Variants in SORBS2 observed in about 807,000 individuals in gnomAD.
The protein encoded by SORBS2 is sorbin and SH3 domain containing 2.
Under a neutral mutation model 97.7 loss-of-function variants are expected in SORBS2, and 46 were observed. That is an observed-to-expected ratio of 0.47 (90% confidence interval 0.37 to 0.60). The LOEUF is 0.60. Among genes scored for constraint, SORBS2 ranks in the 20% least tolerant of loss-of-function variants. The pLI is 0.00. For synonymous variants in SORBS2, 476 were observed against 473.4 expected (o/e 1.01, Z -0.07); for missense variants, 1,316 against 1,282.3 (o/e 1.03, Z -0.40).
At chr4:185,664,106 G>A (rs548708858) in intron 4 of SORBS2, among the ~76,000 whole-genome samples, 8 of 151,734 alleles carry the variant, frequency 5.3e-5, no homozygotes, top group South Asian at 4.2e-4. Flanking sequence ...CACCCACCTC[G>A]GCCTCCCAAA....
At chr4:185,911,306 C>A (rs1216873284) in intron 1 of SORBS2, among the ~76,000 whole-genome samples, 10 of 152,194 alleles carry the variant, frequency 6.6e-5, no homozygotes. Context: ...TGGCTCACTG[C>A]AGCCTTGACC....
chr4:185,858,092 A>G (rs750727314), intron 1 of SORBS2, among the ~76,000 whole-genome samples: 15 of 152,172 alleles, frequency 9.9e-5, no homozygotes, highest in Non-Finnish European at 2.1e-4. Flanking sequence ...GGTCTCCATC[A>G]CGGTCCTATC....
chr4:185,867,332 A>G (rs572243360), intron 1 of SORBS2, among the ~76,000 whole-genome samples: 1 of 152,278 alleles, frequency 6.6e-6, no homozygotes, highest in South Asian at 2.1e-4. Context: ...TTAAAGATGA[A>G]AATAGAACTT....
At chr4:185,766,844 A>G (rs533798920) in intron 2 of SORBS2, among the ~76,000 whole-genome samples, 1 of 152,336 alleles carries the variant, frequency 6.6e-6, no homozygotes, top group South Asian at 2.1e-4. Flanking sequence ...TTAAAAATAC[A>G]TGCTGTACGT....
chr4:185,887,763 T>C (rs1293622960), intron 1 of SORBS2, among the ~76,000 whole-genome samples: 1 of 152,196 alleles, frequency 6.6e-6, no homozygotes, highest in Non-Finnish European at 1.5e-5. Context: ...ATTATTATTA[T>C]TAGAATCATT....
At position 185,861,876 on chromosome 4, in the gene SORBS2, C is replaced by T. The variant is rs10023215; in HGVS notation, c.-337-86510G>A. The stretch of plus-strand genomic sequence containing the variant: ...TCTCCCAAAGTGCTGGGATTACAGG[C>T]GTGAGCCACTGCGCCCAGCCCTGAC... On this transcript the variant is annotated intron_variant, in intron 1 of 20. Coordinates refer to the SORBS2 transcript ENST00000284776. 3.0e-3 allele frequency among the ~76,000 whole-genome samples: 452 copies of T among 152,234 alleles called. 3 individuals carry two copies. The highest frequency in any genetic ancestry group is 0.01 in the African/African-American group (419 of 41,540).
chr4:185,666,765 C>T (rs1047727067), intron 4 of SORBS2, among the ~76,000 whole-genome samples: 5 of 152,064 alleles, frequency 3.3e-5, no homozygotes, highest in South Asian at 4.1e-4. Flanking sequence ...CTACAAAATA[C>T]GAAAAGAATT....
intron 1 of SORBS2, among the ~76,000 whole-genome samples, chr4:185,778,456 C>T (rs1223575112): frequency 6.6e-6 from 1 of 152,130 alleles, no homozygotes; most frequent in Non-Finnish European, 1.5e-5. Context: ...AAACGCAAAA[C>T]CTCAGGCCCC....
chr4:185,714,837 C>T (rs550513876), intron 2 of SORBS2, among the ~76,000 whole-genome samples: 3 of 152,318 alleles, frequency 2.0e-5, no homozygotes, highest in African/African-American at 4.8e-5. Flanking sequence ...ACCCTTGACA[C>T]ATGGGGATTA....
At chr4:185,691,344 T>C (rs35803875) in intron 2 of SORBS2, among the ~76,000 whole-genome samples, 42,401 of 152,002 alleles carry the variant, frequency 0.28, 7,083 homozygotes, top group Non-Finnish European at 0.37. Flanking sequence ...GGATTACAGG[T>C]GTGAACTACC....
intron 2 of SORBS2, among the ~76,000 whole-genome samples, chr4:185,711,430 C>T (rs1004865518): frequency 1.6e-4 from 24 of 152,150 alleles, no homozygotes; most frequent in African/African-American, 5.1e-4. Context: ...AGGGCTAGAG[C>T]GGTTTGTAGA....
At chr4:185,831,611 C>T (rs2099205179) in intron 1 of SORBS2, among the ~76,000 whole-genome samples, 1 of 152,114 alleles carries the variant, frequency 6.6e-6, no homozygotes, top group African/African-American at 2.4e-5. Flanking sequence ...TTCAGTGAGT[C>T]CGGCATTCCA....
chr4:185,662,007 G>C, intron 5 of SORBS2, 97 bp downstream of exon 8: 3 of 1,376,850 alleles, frequency 2.2e-6, no homozygotes, highest in Non-Finnish European at 3.0e-6. Flanking sequence ...TGAGTGCTGA[G>C]CGCTCCCGCC....
chr4:185,654,486 T>C (rs926026767), intron 1 of SORBS2, among the ~76,000 whole-genome samples: 9 of 152,224 alleles, frequency 5.9e-5, no homozygotes, highest in Non-Finnish European at 1.3e-4. Flanking sequence ...GGTTTTTTTT[T>C]CTTCACTTGC....
At chr4:185,644,120 C>T (rs146822679) in intron 4 of SORBS2, among the ~76,000 whole-genome samples, 2 of 152,314 alleles carry the variant, frequency 1.3e-5, no homozygotes, top group South Asian at 2.1e-4. Context: ...ATATGGCCAG[C>T]TCAAACCATT....
intron 1 of SORBS2, among the ~76,000 whole-genome samples, chr4:185,797,090 G>GTA (rs993450910): frequency 3.9e-5 from 6 of 152,226 alleles, no homozygotes; most frequent in African/African-American, 1.4e-4. Context: ...CAAGCCACGG[G>GTA]TACCCCCAGA....
At chr4:185,888,850 T>C (rs1240426455) in intron 1 of SORBS2, among the ~76,000 whole-genome samples, 1 of 152,206 alleles carries the variant, frequency 6.6e-6, no homozygotes, top group Non-Finnish European at 1.5e-5. Context: ...CTGAAAACCC[T>C]CTCATGATTG....
chr4:185,773,916 C>G (rs2098986376), intron 2 of SORBS2: 1 of 151,052 alleles, frequency 6.6e-6, no homozygotes, highest in African/African-American at 2.4e-5. Context: ...AGAAGTTTCA[C>G]TCGTAAAACA....
chr4:185,785,537 C>T (rs1274510240), intron 1 of SORBS2, among the ~76,000 whole-genome samples: 2 of 152,106 alleles, frequency 1.3e-5, no homozygotes, highest in South Asian at 4.1e-4. Context: ...TGATGGAGAG[C>T]GTGGTCTGTA....
Sources: gnomAD v4.1 joint callset for allele counts (sites outside exome capture counted in the v4.1 genomes callset) on GRCh38, gnomAD v4.1.1 for gene constraint, MANE v1.5 for transcripts, NCBI Gene and HGNC (gene_info 2026-07-23, HGNC 2026-07-21) for gene names.